Variants in CXCL13 observed in about 807,000 individuals in gnomAD.
CXCL13 encodes C-X-C motif chemokine 13.
CXCL13 carries 7 observed loss-of-function variants against 12.2 expected under a neutral mutation model. The observed-to-expected ratio is 0.57, with a 90% confidence interval of 0.33 to 1.07. The LOEUF (loss-of-function observed/expected upper bound fraction) is 1.07, where lower values mean the gene tolerates loss of function less well. Ranked by LOEUF, CXCL13 falls within the 50% of genes least tolerant of loss-of-function variation. CXCL13 has a pLI of 0.04. For missense variants in CXCL13, 113 were observed against 127.4 expected (o/e 0.89, Z 0.55); for synonymous variants, 47 against 42.4 (o/e 1.11, Z -0.42).
chr4:77,551,794 T>G (rs935189055), intron 1 of CXCL13, among the ~76,000 whole-genome samples: 17 of 152,292 alleles, frequency 1.1e-4, no homozygotes, highest in Non-Finnish European at 1.9e-4. Flanking sequence ...TTAAATTCTT[T>G]TTTCTGTATT....
chr4:77,592,446 T>C (rs1726637268), intron 1 of CXCL13, among the ~76,000 whole-genome samples: 2 of 152,052 alleles, frequency 1.3e-5, no homozygotes, highest in South Asian at 4.1e-4. Context: ...TGGGGAGATA[T>C]TGGTGAAAGG....
chr4:77,607,724 C>T lies in CXCL13; in HGVS notation c.86C>T (p.Thr29Ile), dbSNP rs200446959. Residue 29 changes from threonine to isoleucine, a missense_variant, in exon 2 of 4, where the codon ACA (threonine) becomes ATA (isoleucine). Physicochemically the swap from Thr to Ile is moderately conservative, Grantham distance 89 (BLOSUM62 -1). Transcript: ENST00000682537. Reference protein sequence around the residue: ...PVQGVLEVYYTSLRCRCVQES... With the variant: ...PVQGVLEVYYISLRCRCVQES... ...ACAGGTGTTCTGGAGGTCTATTACA[C>T]AAGCTTGAGGTGTAGATGTGTCCAA... 2.8e-5 allele frequency: 45 copies of T among 1,612,036 alleles called. No homozygotes were observed. Among genetic ancestry groups the T allele is most frequent in the Middle Eastern group, 1.7e-4 (1 of 6,054 alleles).
chr4:77,574,881 G>T (rs187778709), intron 1 of CXCL13, among the ~76,000 whole-genome samples: 1 of 152,044 alleles, frequency 6.6e-6, no homozygotes, highest in East Asian at 1.9e-4. Context: ...TTAAGTTCAT[G>T]TAACTTTAAT....
chr4:77,529,073 A>G (rs2110083619), intron 1 of CXCL13, among the ~76,000 whole-genome samples: 1 of 152,284 alleles, frequency 6.6e-6, no homozygotes, highest in South Asian at 2.1e-4. Context: ...AGGTTTGTCA[A>G]AGATCAGATG....
At chr4:77,537,893 A>T (rs1329928989) in intron 1 of CXCL13, among the ~76,000 whole-genome samples, 1 of 152,138 alleles carries the variant, frequency 6.6e-6, no homozygotes, top group Non-Finnish European at 1.5e-5. Context: ...ATCCAAATCA[A>T]CCCAGTGAGC....
intron 1 of CXCL13, among the ~76,000 whole-genome samples, chr4:77,564,588 A>G (rs1315048585): frequency 6.6e-6 from 1 of 152,256 alleles, no homozygotes; most frequent in Non-Finnish European, 1.5e-5. Context: ...TAATCTGACA[A>G]CAACCCTTTA....
intron 1 of CXCL13, among the ~76,000 whole-genome samples, chr4:77,600,462 C>A (rs2109835097): frequency 6.6e-6 from 1 of 152,164 alleles, no homozygotes; most frequent in East Asian, 1.9e-4. Flanking sequence ...TTTATAATGT[C>A]CAGGTCTTCA....
chr4:77,575,181 G>T (rs1366616342), intron 1 of CXCL13, among the ~76,000 whole-genome samples: 2 of 151,968 alleles, frequency 1.3e-5, no homozygotes, highest in East Asian at 3.9e-4. Context: ...TTTGTAAAGG[G>T]TTATAAAATG....
At chr4:77,538,991 G>A (rs1012256841) in intron 1 of CXCL13, among the ~76,000 whole-genome samples, 2 of 151,954 alleles carry the variant, frequency 1.3e-5, no homozygotes, top group Non-Finnish European at 2.9e-5. Context: ...GAGCAGGAAT[G>A]AAAGTGTACT....
At chr4:77,580,975 C>T (rs988012107) in intron 1 of CXCL13, among the ~76,000 whole-genome samples, 9 of 151,690 alleles carry the variant, frequency 5.9e-5, no homozygotes, top group Non-Finnish European at 1.3e-4. Context: ...AAAAACCTAT[C>T]CCCTAAGTGA....
At chr4:77,565,799 G>A (rs1725914091) in intron 1 of CXCL13, among the ~76,000 whole-genome samples, 1 of 152,166 alleles carries the variant, frequency 6.6e-6, no homozygotes, top group Admixed American at 6.5e-5. Flanking sequence ...GCAGACAGCT[G>A]AAGGACATGG....
rs1335026335 is a variant in CXCL13 at position 77,526,413 on chromosome 4, A to G, written c.-43+14625A>G. ...ACCTTCATACTACAGAGTGCTTCAC[A>G]TTGTAAAATATGATGTATGTCTTAG... On this transcript the variant is annotated intron_variant, in intron 1 of 4. Transcript: ENST00000286758. Among the ~76,000 whole-genome samples, 8 of 152,124 alleles carry G rather than the reference A, an allele frequency of 5.3e-5. No homozygotes were observed. The East Asian group carries it at 1.3e-3, about 26-fold the overall frequency.
intron 1 of CXCL13, among the ~76,000 whole-genome samples, chr4:77,557,903 C>T (rs779074552): frequency 9.8e-5 from 15 of 152,342 alleles, no homozygotes; most frequent in Non-Finnish European, 1.9e-4. Context: ...TTTCTACCAT[C>T]TACCTTGGCA....
At chr4:77,566,211 G>A (rs1365444067) in intron 1 of CXCL13, among the ~76,000 whole-genome samples, 5 of 152,148 alleles carry the variant, frequency 3.3e-5, no homozygotes, top group Non-Finnish European at 7.4e-5. Flanking sequence ...TTCAGCAAAT[G>A]GCCTTATGGG....
At chr4:77,589,958 A>G (rs780744788) in intron 1 of CXCL13, among the ~76,000 whole-genome samples, 8 of 152,184 alleles carry the variant, frequency 5.3e-5, no homozygotes, top group Non-Finnish European at 1.0e-4. Flanking sequence ...AAACACCTAC[A>G]TATACATTCC....
chr4:77,523,341 T>A (rs552166344), intron 1 of CXCL13, among the ~76,000 whole-genome samples: 1 of 152,338 alleles, frequency 6.6e-6, no homozygotes, highest in South Asian at 2.1e-4. Flanking sequence ...CACTTTCAGG[T>A]ACACCAATCA....
intron 1 of CXCL13, among the ~76,000 whole-genome samples, chr4:77,535,868 T>A (rs1215362339): frequency 2.0e-5 from 3 of 152,212 alleles, no homozygotes; most frequent in Non-Finnish European, 2.9e-5. Context: ...ATTCTAAACA[T>A]TGTAGAGACA....
intron 1 of CXCL13, among the ~76,000 whole-genome samples, chr4:77,576,040 T>C (rs752870065): frequency 2.0e-5 from 3 of 151,886 alleles, no homozygotes; most frequent in Non-Finnish European, 4.4e-5. Context: ...CAGAAAATTG[T>C]ACTGTTTTGA....
intron 1 of CXCL13, among the ~76,000 whole-genome samples, chr4:77,535,502 A>T (rs1406258423): frequency 6.6e-6 from 1 of 152,176 alleles, no homozygotes; most frequent in Non-Finnish European, 1.5e-5. Flanking sequence ...CCATGAAGTG[A>T]TGGAGACTAT....
Sources: gnomAD v4.1 joint callset for allele counts (sites outside exome capture counted in the v4.1 genomes callset) on GRCh38, gnomAD v4.1.1 for gene constraint, MANE v1.5 for transcripts, NCBI Gene and HGNC (gene_info 2026-07-23, HGNC 2026-07-21) for gene names.